Variants in SSBP1 observed in about 807,000 individuals in gnomAD.
The protein encoded by SSBP1 is single-stranded DNA-binding protein, mitochondrial.
SSBP1 carries 20 observed loss-of-function variants against 27.0 expected under a neutral mutation model. The ratio of observed to expected loss-of-function variants is 0.74; its 90% confidence interval spans 0.52 to 1.08. SSBP1 has a LOEUF of 1.08. Ranked by LOEUF, SSBP1 falls within the 50% of genes least tolerant of loss-of-function variation. The pLI, the probability that SSBP1 is intolerant of heterozygous loss-of-function variation, is 0.00. For synonymous variants in SSBP1, 59 were observed against 59.3 expected, an observed-to-expected ratio of 1.00 and a Z score of 0.02; for missense variants, 137 against 182.4, an observed-to-expected ratio of 0.75 and a Z score of 1.44.
chr7:141,746,871 C>T (rs931006768), intron 6 of SSBP1, among the ~76,000 whole-genome samples: 1 of 152,078 alleles, frequency 6.6e-6, no homozygotes, highest in African/African-American at 2.4e-5. Flanking sequence ...ATCTAAATAG[C>T]ATAGCAATGT....
chr7:141,739,295 A>T (rs1003713745), intron 2 of SSBP1, 105 bp downstream of exon 2: 1 of 837,792 alleles, frequency 1.2e-6, no homozygotes, highest in Non-Finnish European at 1.8e-6. Flanking sequence ...CTTTGAGCTC[A>T]CCCACCCACC....
At chr7:141,739,543 A>G (rs756926875) in intron 2 of SSBP1, 2 of 192,126 alleles carry the variant, frequency 1.0e-5, no homozygotes, top group Non-Finnish European at 2.1e-5. Context: ...TTTTTTGACC[A>G]TCTACCTCCT....
Position 141,743,963 on chromosome 7 carries a change from C to T in SSBP1, c.288C>T (p.Asp96=), listed in dbSNP as rs752190940. Residue 96 remains aspartate, a synonymous_variant, in exon 5 of 7, where the codon GAC becomes GAT. Transcript: ENST00000265304. ...RISVFRPGLR[D]VAYQYVKKGS... ...CAGTATTCCGGCCAGGCCTCAGAGA[C>T]GTGGCATATCAATATGTGAAAAAGG... is the stretch of plus-strand genomic sequence containing the variant. 17 of 1,612,926 alleles carry T rather than the reference C, an allele frequency of 1.1e-5. No homozygotes were observed. In the African/African-American group the frequency reaches 1.3e-4, roughly 13 times the overall value.
intron 6 of SSBP1, 190 bp downstream of exon 6, chr7:141,745,774 A>G: frequency 7.5e-7 from 1 of 1,329,692 alleles, no homozygotes; most frequent in Non-Finnish European, 9.6e-7. Flanking sequence ...CCTTTAAAAA[A>G]TTATTTTTAT....
At chr7:141,743,125 T>A (rs1799625616) in intron 3 of SSBP1, among the ~76,000 whole-genome samples, 1 of 152,204 alleles carries the variant, frequency 6.6e-6, no homozygotes, top group Non-Finnish European at 1.5e-5. Flanking sequence ...AGTGCTGGGA[T>A]TACAGGCGTG....
intron 4 of SSBP1, 75 bp from the exon 5 acceptor site, chr7:141,743,827 G>C (rs1484489318): frequency 6.4e-7 from 1 of 1,556,290 alleles, no homozygotes; most frequent in Non-Finnish European, 8.7e-7. Context: ...TGTTCTCTTA[G>C]AAATCGTGAC....
At chr7:141,745,720 A>C (rs1799757472) in intron 6 of SSBP1, 136 bp downstream of exon 6, 1 of 1,402,500 alleles carries the variant, frequency 7.1e-7, no homozygotes, top group Non-Finnish European at 9.3e-7. Context: ...GATGTCCATA[A>C]CTCTTATTTC....
In SSBP1 at chr7:141,738,374, C is replaced by T. The variant is rs1451091338; in HGVS notation, c.-80C>T. ...GCGTTCCCTGTGCGCCGGAAGTGAT[C>T]CCCTGCGTGGCTGGGCTGCTCGGGT... On this transcript the variant is annotated 5_prime_UTR_variant, in exon 1 of 7. Transcript: ENST00000265304. 2 of 152,414 alleles carry T rather than the reference C, an allele frequency of 1.3e-5. No homozygotes were observed. Among genetic ancestry groups the T allele is most frequent in the African/African-American group, 4.8e-5 (2 of 41,456 alleles). The allele number at this position is 152,414 out of a possible 1,614,324, so 9.4% of individuals were successfully genotyped here. A position where few individuals can be genotyped will look rare whatever the true frequency, so the allele number is the denominator to read the frequency against.
rs1401534910 is a variant in SSBP1, at chr7:141,743,084, A to G, written c.86-477A>G. ...TAGCCAGCATGGTCTCTCTCTCCTG[A>G]CCTTGTGATCCGCCCGCCTTGGCCT... On this transcript the variant is annotated intron_variant, in intron 3 of 6. Coordinates refer to ENST00000265304, the MANE Select transcript of SSBP1 (RefSeq NM_003143.3). Among the ~76,000 whole-genome samples the G allele has an allele frequency of 5.3e-5, 8 of 152,206 alleles. No individual in the cohort carries two copies. In the East Asian group the frequency reaches 1.6e-3, roughly 29 times the overall value.
chr7:141,743,003 C>A (rs566456592), intron 3 of SSBP1, among the ~76,000 whole-genome samples: 2 of 152,134 alleles, frequency 1.3e-5, no homozygotes, highest in Non-Finnish European at 2.9e-5. Flanking sequence ...TACAGGCGCC[C>A]GCCACCACGC....
intron 6 of SSBP1, among the ~76,000 whole-genome samples, chr7:141,747,018 C>T (rs10485835): frequency 0.45 from 68,055 of 151,886 alleles, 16,101 homozygotes; most frequent in East Asian, 0.75. Flanking sequence ...TAGTTAAGAA[C>T]TTTTTATTAC....
intron 3 of SSBP1, among the ~76,000 whole-genome samples, chr7:141,743,043 T>G (rs200032611): frequency 4.6e-5 from 7 of 152,122 alleles, no homozygotes; most frequent in Non-Finnish European, 4.4e-5. Flanking sequence ...TTAGTAGAGA[T>G]GGGGTTTCAC....
At chr7:141,748,891 G>T (rs1006631446) in intron 6 of SSBP1, among the ~76,000 whole-genome samples, 9 of 152,170 alleles carry the variant, frequency 5.9e-5, no homozygotes, top group Admixed American at 5.2e-4. Context: ...ATTAATTCGA[G>T]TAGTTTGTTC....
chr7:141,739,496 T>C, intron 2 of SSBP1: 1 of 273,892 alleles, frequency 3.7e-6, no homozygotes, highest in Admixed American at 5.3e-5. Context: ...ACTGTAGGAA[T>C]CATTGTTCCA....
intron 5 of SSBP1, 139 bp from the exon 6 acceptor site, chr7:141,745,357 C>A: frequency 1.6e-6 from 1 of 607,452 alleles, no homozygotes; most frequent in Non-Finnish European, 2.6e-6. Flanking sequence ...TAATCCTGAA[C>A]CTTGAGAAGT....
chr7:141,739,219 A>G (rs767516176), intron 2 of SSBP1, 29 bp downstream of exon 2: 7 of 1,541,510 alleles, frequency 4.5e-6, no homozygotes, highest in South Asian at 2.5e-5. Context: ...TAATACTGAG[A>G]TGTATTACTA....
In SSBP1 at chr7:141,750,316, A is replaced by G. The variant is rs758413512; in HGVS notation, c.409A>G (p.Ile137Val). The change falls in exon 7 of 7, where the codon ATT (isoleucine) becomes GTT (valine). Residue 137 changes from isoleucine (I) to valine (V), a missense_variant. Coordinates refer to ENST00000265304, the MANE Select transcript of SSBP1 (RefSeq NM_003143.3). ...RQATTIIADN[I>V]IFLSDQTKEK... ...ACATTTTGGCTTTTTTACAGATAAT[A>G]TTATATTTCTGAGTGACCAGACGAA... 3 of 1,595,744 alleles carry G rather than the reference A, an allele frequency of 1.9e-6. No individual in the cohort carries two copies. Among genetic ancestry groups the G allele is most frequent in the Non-Finnish European group, 2.6e-6 (3 of 1,173,810 alleles).
intron 6 of SSBP1, among the ~76,000 whole-genome samples, chr7:141,747,684 G>A (rs1158690478): frequency 2.6e-5 from 4 of 151,156 alleles, no homozygotes; most frequent in South Asian, 4.2e-4. Flanking sequence ...CACCGTGCCC[G>A]GCTAGATAAT....
chr7:141,739,898 A>ATT (rs1309402821), intron 2 of SSBP1: 5 of 151,922 alleles, frequency 3.3e-5, no homozygotes, highest in Admixed American at 1.3e-4. Context: ...TCTTTAATCT[A>ATT]TTTTTTTCTG....
Sources: gnomAD v4.1 joint callset for allele counts (sites outside exome capture counted in the v4.1 genomes callset) on GRCh38, gnomAD v4.1.1 for gene constraint, MANE v1.5 for transcripts, NCBI Gene and HGNC (gene_info 2026-07-23, HGNC 2026-07-21) for gene names.